PLXNA1: variants seen among roughly 807,000 people sequenced by gnomAD.
PLXNA1 encodes plexin A1, also known as plexin-A1.
In PLXNA1, 77 loss-of-function variants were observed where a neutral mutation model predicts 191.7. The ratio of observed to expected loss-of-function variants is 0.40; its 90% CI spans 0.33 to 0.49. PLXNA1 has a LOEUF of 0.49. PLXNA1 is among the 20% of genes least tolerant of loss of function. PLXNA1 has a pLI of 0.63. For synonymous variants in PLXNA1, 1,137 were observed against 1,156.4 expected (o/e 0.98, Z 0.34); for missense variants, 2,110 against 2,660.2 (o/e 0.79, Z 4.55).
rs764661796 is a variant in PLXNA1, at chr3:127,028,353, G to T, written c.4669+13G>T. ...GACATGGACCTGGGTGAGCGGGCGG[G>T]GCCACGGCTGCCCGGGGTGTGTGCT... On this transcript the variant is annotated intron_variant, in intron 25 of 31. Coordinates refer to ENST00000393409, the MANE Select transcript of PLXNA1 (RefSeq NM_032242.4). The T allele has an allele frequency of 6.2e-7, 1 of 1,605,016 alleles. No homozygotes were observed.
chr3:126,985,086 C>T (rs566251441), intron 1 of PLXNA1, among the ~76,000 whole-genome samples: 1 of 152,164 alleles, frequency 6.6e-6, no homozygotes, highest in Non-Finnish European at 1.5e-5. Flanking sequence ...CCTGCCTGAG[C>T]CATAGCAGGA....
intron 1 of PLXNA1, among the ~76,000 whole-genome samples, chr3:126,986,699 A>G (rs958777732): frequency 5.9e-5 from 9 of 152,058 alleles, no homozygotes; most frequent in African/African-American, 1.7e-4. Context: ...GCAATAAGTA[A>G]TAGAGACCCT....
intron 3 of PLXNA1, among the ~76,000 whole-genome samples, chr3:126,993,523 C>G (rs536197224): frequency 6.6e-6 from 1 of 152,288 alleles, no homozygotes; most frequent in East Asian, 1.9e-4. Flanking sequence ...TGACCCTGGC[C>G]GGGCCCCCAC....
chr3:127,033,475 A>G (rs1455003465), intron 31 of PLXNA1, among the ~76,000 whole-genome samples: 1 of 152,166 alleles, frequency 6.6e-6, no homozygotes, highest in Admixed American at 6.5e-5. Flanking sequence ...GGCAGACAGG[A>G]GGCAGAGGGC....
intron 3 of PLXNA1, among the ~76,000 whole-genome samples, chr3:126,992,225 G>A (rs1313450241): frequency 6.6e-6 from 1 of 152,192 alleles, no homozygotes; most frequent in East Asian, 1.9e-4. Flanking sequence ...TTCCTGGAGG[G>A]TGTGGGTGGA....
chr3:127,006,204 C>T (rs777827017), intron 8 of PLXNA1, 26 bp downstream of exon 8: 10 of 1,579,656 alleles, frequency 6.3e-6, no homozygotes, highest in Admixed American at 1.7e-5. Context: ...CCCCTCCGCC[C>T]GCCTGGGCCT....
At chr3:126,983,568 G>A (rs1576664646) in intron 1 of PLXNA1, among the ~76,000 whole-genome samples, 1 of 147,002 alleles carries the variant, frequency 6.8e-6, no homozygotes. Context: ...ACCCCCGTGC[G>A]GCGGGGCTGG....
At chr3:127,032,274 C>T (rs954635968) in intron 29 of PLXNA1, 113 bp from the exon 30 acceptor site, 17 of 1,085,544 alleles carry the variant, frequency 1.6e-5, no homozygotes, top group African/African-American at 6.3e-5. Context: ...CTCGTTTCCC[C>T]GTCTGCATGG....
chr3:127,006,433 C>T (rs868132426), intron 8 of PLXNA1, among the ~76,000 whole-genome samples: 7 of 152,188 alleles, frequency 4.6e-5, no homozygotes, highest in East Asian at 3.9e-4. Flanking sequence ...CTGGGGCAGG[C>T]GTACCAGGAA....
chr3:127,003,623 C>G (rs375610169), intron 4 of PLXNA1, among the ~76,000 whole-genome samples, 153 bp downstream of exon 4: 24 of 152,328 alleles, frequency 1.6e-4, no homozygotes, highest in African/African-American at 5.5e-4. Context: ...TGCTCTGCCT[C>G]CCTGCAGACT....
intron 1 of PLXNA1, among the ~76,000 whole-genome samples, chr3:126,986,668 A>G (rs901454915): frequency 2.8e-4 from 43 of 152,250 alleles, no homozygotes; most frequent in Non-Finnish European, 6.0e-4. Context: ...CAGGGCAGCC[A>G]TTCTGGCCGG....
chr3:127,018,235 G>T (rs1213946319), intron 19 of PLXNA1, 59 bp from the exon 20 acceptor site: 16 of 1,444,234 alleles, frequency 1.1e-5, no homozygotes, highest in African/African-American at 1.4e-5. Flanking sequence ...CATCGGGAGG[G>T]GCTCCCAAGC....
At position 127,035,514 on chromosome 3, in the gene PLXNA1, G is replaced by A. The variant is rs2079236860; in HGVS notation, c.*1497G>A. On this transcript the variant is annotated 3_prime_UTR_variant, in exon 32 of 32. Coordinates refer to ENST00000393409, the MANE Select transcript of PLXNA1 (RefSeq NM_032242.4). ...CCTCTGGGGTGCCGCGGCACCACGG[G>A]GCATGCATGATTGTGCTAGCGTTTA... 6.6e-6 allele frequency: 1 copy of A among 152,518 alleles called. No individual in the cohort carries two copies. Among genetic ancestry groups the A allele is most frequent in the Non-Finnish European group, 1.5e-5 (1 of 68,026 alleles). The allele number at this position is 152,518 out of a possible 1,614,324, so 9.4% of individuals were successfully genotyped here. A position where few individuals can be genotyped will look rare whatever the true frequency, so the allele number is the denominator to read the frequency against.
At position 127,017,796 on chromosome 3, in the gene PLXNA1, C is replaced by T. The variant is rs555649603; in HGVS notation, c.3564C>T (p.Tyr1188=). The part of the protein sequence containing the change: ...PPAPGNSRLN[Y]TVLIGSTPCT... ...CACCCGGCAACTCCCGACTCAACTA[C>T]ACGGTGCTCATCGGCTCCACACCCT... Residue 1188 remains tyrosine (Y), a synonymous_variant, in exon 19 of 32, where the codon TAC becomes TAT. Transcript: ENST00000393409. 210 of 1,613,240 alleles carry T rather than the reference C, an allele frequency of 1.3e-4. 1 individual carries two copies. The South Asian group carries it at 2.1e-3, about 16-fold the overall frequency.
intron 3 of PLXNA1, among the ~76,000 whole-genome samples, chr3:126,995,182 G>A (rs999689358): frequency 1.3e-5 from 2 of 152,158 alleles, no homozygotes; most frequent in African/African-American, 4.8e-5. Flanking sequence ...GGGCTGACTG[G>A]GGGTGCCCCT....
At chr3:126,991,328 C>T (rs760801438) in intron 2 of PLXNA1, 56 bp from the exon 3 acceptor site, 124 of 1,582,010 alleles carry the variant, frequency 7.8e-5, no homozygotes, top group Non-Finnish European at 1.0e-4. Flanking sequence ...CAGGGAGGCC[C>T]AGTCCTCCGG....
Position 127,020,221 on chromosome 3 carries a change from A to G in PLXNA1, c.3915A>G (p.Thr1305=), listed in dbSNP as rs764450575. The G allele has an allele frequency of 3.7e-6, 6 of 1,613,066 alleles. No homozygotes were observed. The South Asian group carries it at 6.6e-5, about 18-fold the overall frequency. The change falls in exon 21 of 32, where the codon ACA becomes ACG. Residue 1305 remains threonine, a synonymous_variant. Transcript: ENST00000393409. ...CCACAGCCTTTGCAGAGCTGCAGAC[A>G]GACATCCACGAGCTGACCAATGACC... ...ECKEAFAELQ[T]DIHELTNDLD... is the part of the protein sequence containing the mutation.
At chr3:127,013,744 C>A (rs954132629) in intron 10 of PLXNA1, among the ~76,000 whole-genome samples, 5 of 152,184 alleles carry the variant, frequency 3.3e-5, no homozygotes, top group African/African-American at 1.2e-4. Flanking sequence ...TCAGAGGCTG[C>A]CTGTGGTTGG....
In PLXNA1 at chr3:127,034,021, C is replaced by T; in HGVS notation, c.*4C>T. On this transcript the variant is annotated 3_prime_UTR_variant, in exon 32 of 32. Coordinates refer to ENST00000393409, the MANE Select transcript of PLXNA1 (RefSeq NM_032242.4). ...CACGATGGCCCTGAGCAGCTGAGCC[C>T]CAGCTGTGATCATCCAGCATGATGC... The T allele has an allele frequency of 6.3e-7, 1 of 1,593,582 alleles. No individual in the cohort carries two copies. Among genetic ancestry groups the T allele is most frequent in the Non-Finnish European group, 8.5e-7 (1 of 1,171,350 alleles).
Sources: allele counts gnomAD v4.1 joint callset (sites outside exome capture counted in the v4.1 genomes callset), GRCh38; gene constraint gnomAD v4.1.1; transcripts MANE v1.5; gene names NCBI Gene and HGNC (gene_info 2026-07-23, HGNC 2026-07-21).